The following TRIM13 variants were observed in gnomAD, a reference collection of about 807,000 sequenced individuals.
TRIM13 encodes E3 ubiquitin-protein ligase TRIM13.
A neutral mutation model predicts 27.1 loss-of-function variants in TRIM13; 15 were observed. That is an observed-to-expected ratio of 0.55 (90% CI 0.37 to 0.85). The LOEUF (loss-of-function observed/expected upper bound fraction) is 0.85. TRIM13 is among the 40% of genes least tolerant of loss of function. The pLI is 0.00. For missense variants in TRIM13, 402 were observed against 472.2 expected, an observed-to-expected ratio of 0.85 and a Z score of 1.38; for synonymous variants, 193 against 171.5, an observed-to-expected ratio of 1.13 and a Z score of -0.98.
chr13:50,004,783 A>G (rs1287350601), intron 1 of TRIM13, among the ~76,000 whole-genome samples: 1 of 151,548 alleles, frequency 6.6e-6, no homozygotes, highest in Non-Finnish European at 1.5e-5. Flanking sequence ...CTGTCTTAAA[A>G]AAAAAAAAAG....
chr13:50,008,410 G>C (rs987876509), intron 1 of TRIM13, among the ~76,000 whole-genome samples: 1 of 152,066 alleles, frequency 6.6e-6, no homozygotes, highest in Non-Finnish European at 1.5e-5. Context: ...TCACACCTGT[G>C]ATCTCAGTGC....
In TRIM13 at chr13:50,016,746, C is replaced by G. The variant is rs374704745; in HGVS notation, c.*3582C>G. On this transcript the variant is annotated 3_prime_UTR_variant, in exon 2 of 2. Transcript: ENST00000378182. Reference sequence around the variant, plus strand: ...CTGCTGTCACAAACATTTTTCCCCCCGTAAAATGTCTTAATGCTGTCCTAC... The same window carrying G: ...CTGCTGTCACAAACATTTTTCCCCCGGTAAAATGTCTTAATGCTGTCCTAC... 7.8e-5 allele frequency: 13 copies of G among 167,130 alleles called. 1 individual carries two copies. The highest frequency in any genetic ancestry group is 2.2e-4 in the African/African-American group (9 of 41,550). 10.4% of individuals were successfully genotyped at this position (167,130 alleles called of 1,614,324 possible). A position where few individuals can be genotyped will look rare whatever the true frequency, so the allele number is the denominator to read the frequency against.
intron 1 of TRIM13, among the ~76,000 whole-genome samples, chr13:50,003,598 C>T (rs1403024887): frequency 1.3e-5 from 2 of 152,106 alleles, no homozygotes; most frequent in African/African-American, 4.8e-5. Flanking sequence ...TATTATGACA[C>T]GTTTACTTTG....
intron 1 of TRIM13, among the ~76,000 whole-genome samples, chr13:49,999,096 AC>A (rs1164702526): frequency 1.1e-4 from 4 of 35,140 alleles, no homozygotes; most frequent in Non-Finnish European, 5.8e-4. Context: ...TTTCCTTGTC[AC>A]CCTATGTGGG....
intron 1 of TRIM13, among the ~76,000 whole-genome samples, chr13:50,008,183 G>T (rs1312418671): frequency 6.6e-6 from 1 of 152,110 alleles, no homozygotes; most frequent in Non-Finnish European, 1.5e-5. Flanking sequence ...GGGATTACAG[G>T]CATGAGCCAC....
chr13:50,002,763 A>G (rs1874205342), intron 1 of TRIM13, among the ~76,000 whole-genome samples: 1 of 151,890 alleles, frequency 6.6e-6, no homozygotes, highest in African/African-American at 2.4e-5. Flanking sequence ...CCTGGGTTCA[A>G]GTGATTTTCC....
chr13:49,998,886 C>T (rs1297642600), intron 1 of TRIM13, among the ~76,000 whole-genome samples: 5 of 149,886 alleles, frequency 3.3e-5, no homozygotes, highest in Admixed American at 2.0e-4. Flanking sequence ...GCCAAGATCG[C>T]GCCACTGCAC....
chr13:50,004,948 C>T (rs1489143221), intron 1 of TRIM13, among the ~76,000 whole-genome samples: 109 of 151,206 alleles, frequency 7.2e-4, no homozygotes, highest in African/African-American at 2.4e-3. Flanking sequence ...TGGTGGCGGG[C>T]ACCTGTAATC....
rs1032204077 is a variant in TRIM13, at chr13:50,017,884, G to A, written c.*4720G>A. The A allele has an allele frequency of 6.0e-6, 1 of 167,052 alleles. No individual in the cohort carries two copies. Among genetic ancestry groups the A allele is most frequent in the Non-Finnish European group, 1.5e-5 (1 of 68,108 alleles). The allele number at this position is 167,052 out of a possible 1,614,324, so 10.3% of individuals were successfully genotyped here. Reference sequence around the variant, plus strand: ...AAGTGAGCCTAATTGGTGCCTAATTGTCTGGTGTATCATTCACTTTATTCA... The same window carrying A: ...AAGTGAGCCTAATTGGTGCCTAATTATCTGGTGTATCATTCACTTTATTCA... On this transcript the variant is annotated 3_prime_UTR_variant, in exon 2 of 2. Coordinates refer to ENST00000378182, the MANE Select transcript of TRIM13 (RefSeq NM_213590.3).
intron 1 of TRIM13, among the ~76,000 whole-genome samples, chr13:50,005,280 T>G (rs557504380): frequency 6.6e-6 from 1 of 152,146 alleles, no homozygotes; most frequent in African/African-American, 2.4e-5. Flanking sequence ...TTCAAAACTT[T>G]GGAGGCAACA....
At chr13:50,006,106 G>A (rs1298331810) in intron 1 of TRIM13, among the ~76,000 whole-genome samples, 1 of 151,770 alleles carries the variant, frequency 6.6e-6, no homozygotes, top group Non-Finnish European at 1.5e-5. Context: ...TGAAATTAGA[G>A]GATCTATTGT....
At chr13:50,006,603 G>A (rs1594570237) in intron 1 of TRIM13, among the ~76,000 whole-genome samples, 1 of 152,168 alleles carries the variant, frequency 6.6e-6, no homozygotes, top group East Asian at 1.9e-4. Flanking sequence ...ACTGGGGTTG[G>A]CAGATCATCA....
intron 1 of TRIM13, among the ~76,000 whole-genome samples, chr13:50,005,513 A>C (rs1874572209): frequency 2.0e-5 from 3 of 151,734 alleles, no homozygotes; most frequent in Non-Finnish European, 4.4e-5. Flanking sequence ...GTCTCTACTA[A>C]AAATACAAAA....
At position 50,000,827 on chromosome 13, in the gene TRIM13, T is replaced by TG. The variant is rs1245806224; in HGVS notation, c.-7+3066dup. Among the ~76,000 whole-genome samples the TG allele has an allele frequency of 3.7e-4, 57 of 152,348 alleles. 1 individual carries two copies. Among genetic ancestry groups the TG allele is most frequent in the Non-Finnish European group, 1.6e-4 (11 of 68,026 alleles). Reference sequence around the variant, plus strand: ...TGCATGGATAACTTCGGTTTCAGTATGGTGTCAATATTTTATGGTTTTAAT... The same window carrying TG: ...TGCATGGATAACTTCGGTTTCAGTATGGGTGTCAATATTTTATGGTTTTAAT... On this transcript the variant is annotated intron_variant, in intron 1 of 1. Transcript: ENST00000378182.
rs1876245891 is a variant in TRIM13, at chr13:50,015,087, AAAAAAAAATATAT to A, written c.*1925_*1937del. 1.6e-4 allele frequency: 9 copies of A among 54,796 alleles called. No individual in the cohort carries two copies. In the South Asian group the frequency reaches 2.5e-3, roughly 15 times the overall value. 3.4% of individuals were successfully genotyped at this position (54,796 alleles called of 1,614,324 possible). A position where few individuals can be genotyped will look rare whatever the true frequency, so the allele number is the denominator to read the frequency against. ...CCCCTCCCAGTAATAAAAAAAAAAAAAAAAAAAATATATATATATATATATATATATATATATA... is the reference window on the plus strand; with the variant it reads ...CCCCTCCCAGTAATAAAAAAAAAAAAATATATATATATATATATATATATA... On this transcript the variant is annotated 3_prime_UTR_variant, in exon 2 of 2. Transcript: ENST00000378182.
Position 50,016,044 on chromosome 13 carries a change from G to T in TRIM13, c.*2880G>T, listed in dbSNP as rs1440604784. Reference sequence around the variant, plus strand: ...CTGGTTTTCCAGTGTGGTTCTGACAGCACTACTGATAACCAAACTGGAGTC... The same window carrying T: ...CTGGTTTTCCAGTGTGGTTCTGACATCACTACTGATAACCAAACTGGAGTC... On this transcript the variant is annotated 3_prime_UTR_variant, in exon 2 of 2. Coordinates refer to ENST00000378182, the MANE Select transcript of TRIM13 (RefSeq NM_213590.3). The T allele has an allele frequency of 6.2e-7, 1 of 1,613,872 alleles. No individual in the cohort carries two copies. The highest frequency in any genetic ancestry group is 1.3e-5 in the African/African-American group (1 of 75,028).
intron 1 of TRIM13, among the ~76,000 whole-genome samples, chr13:50,003,057 T>C (rs1874243732): frequency 6.6e-6 from 1 of 152,192 alleles, no homozygotes; most frequent in Non-Finnish European, 1.5e-5. Context: ...AGTACACTAT[T>C]TGAAAATAAG....
Position 50,012,717 on chromosome 13 carries a change from C to G in TRIM13, c.777C>G (p.Ile259Met). 3 of 1,614,020 alleles carry G rather than the reference C, an allele frequency of 1.9e-6. No individual in the cohort carries two copies. The highest frequency in any genetic ancestry group is 2.5e-6 in the Non-Finnish European group (3 of 1,179,978). Reference protein sequence around the residue: ...LQQMQEFREKIKVIKETPLPP... With the variant: ...LQQMQEFREKMKVIKETPLPP... Reference sequence around the variant, plus strand: ...AGATGCAGGAGTTTAGAGAGAAAATCAAAGTAATCAAGGAAACTCCTTTAC... The same window carrying G: ...AGATGCAGGAGTTTAGAGAGAAAATGAAAGTAATCAAGGAAACTCCTTTAC... The change falls in exon 2 of 2, where the codon ATC becomes ATG. Residue 259 changes from isoleucine to methionine, a missense_variant. This residue lies in a region of TRIM13 where 200 missense variants were observed against 194.7 expected (regional missense o/e 1.03). Coordinates refer to ENST00000378182, the MANE Select transcript of TRIM13 (RefSeq NM_213590.3).
Position 50,015,460 on chromosome 13 carries a change from C to A in TRIM13, c.*2296C>A. ...TTATAGGTTGATTTCCTAAGTGTGG[C>A]TGATGGTAGCCTCTAGTTTGAAGTG... On this transcript the variant is annotated 3_prime_UTR_variant, in exon 2 of 2. Transcript: ENST00000378182. 1 of 1,471,918 alleles carries A rather than the reference C, an allele frequency of 6.8e-7. No individual in the cohort carries two copies. The highest frequency in any genetic ancestry group is 9.4e-7 in the Non-Finnish European group (1 of 1,068,114). 91.2% of individuals were successfully genotyped at this position (1,471,918 alleles called of 1,614,324 possible). A position where few individuals can be genotyped will look rare whatever the true frequency, so the allele number is the denominator to read the frequency against.
Sources: gnomAD v4.1 joint callset for allele counts (sites outside exome capture counted in the v4.1 genomes callset) on GRCh38, gnomAD v4.1.1 for gene constraint, gnomAD v4.1.1 regional missense constraint, MANE v1.5 for transcripts, NCBI Gene and HGNC (gene_info 2026-07-23, HGNC 2026-07-21) for gene names.